COL19A1: variants seen among roughly 807,000 people sequenced by gnomAD.
COL19A1 encodes the protein collagen alpha-1(XIX) chain.
Under a neutral mutation model 190.2 loss-of-function variants are expected in COL19A1, and 159 were observed. The observed-to-expected ratio is 0.84, with a 90% CI of 0.73 to 0.95. COL19A1 has a LOEUF of 0.95. Ranked by LOEUF, COL19A1 falls within the 40% of genes least tolerant of loss-of-function variation. The pLI, the probability that COL19A1 is intolerant of heterozygous loss-of-function variation, is 0.00. For missense variants in COL19A1, 1,418 were observed against 1,431.9 expected (o/e 0.99, Z 0.16); for synonymous variants, 509 against 458.9 (o/e 1.11, Z -1.39).
intron 15 of COL19A1, chr6:70,098,347 T>A (rs1235868781): frequency 1.7e-5 from 8 of 467,424 alleles, no homozygotes; most frequent in Non-Finnish European, 2.1e-5. Context: ...GCTCCTTTTT[T>A]AAAAAACAGA....
At chr6:70,090,255 A>G (rs775623192) in intron 15 of COL19A1, among the ~76,000 whole-genome samples, 7 of 152,190 alleles carry the variant, frequency 4.6e-5, no homozygotes, top group Non-Finnish European at 8.8e-5. Context: ...TGGGTTTTAC[A>G]TCCGTGGATT....
At chr6:70,022,928 A>AT in intron 11 of COL19A1, among the ~76,000 whole-genome samples, 1 of 151,812 alleles carries the variant, frequency 6.6e-6, no homozygotes, top group East Asian at 1.9e-4. Flanking sequence ...TTCATCTCTG[A>AT]TTTTTTCATT....
chr6:70,019,161 G>A (rs1175951038), intron 11 of COL19A1, among the ~76,000 whole-genome samples: 3 of 152,074 alleles, frequency 2.0e-5, no homozygotes, highest in Admixed American at 1.3e-4. Context: ...AAATAACTTA[G>A]GATAATAGAT....
chr6:70,058,029 G>A (rs928027730), intron 14 of COL19A1, among the ~76,000 whole-genome samples: 2 of 152,008 alleles, frequency 1.3e-5, no homozygotes, highest in Non-Finnish European at 2.9e-5. Context: ...GTGCTTATGA[G>A]AAGTACAGAT....
intron 11 of COL19A1, among the ~76,000 whole-genome samples, chr6:69,972,448 A>C (rs1278015703): frequency 1.1e-4 from 17 of 152,236 alleles, no homozygotes; most frequent in Non-Finnish European, 2.2e-4. Context: ...TGCCTAGCAC[A>C]CAAAAGTATT....
At chr6:70,073,320 G>C (rs1781671547) in intron 15 of COL19A1, among the ~76,000 whole-genome samples, 1 of 152,096 alleles carries the variant, frequency 6.6e-6, no homozygotes, top group African/African-American at 2.4e-5. Context: ...CAGCTTTACT[G>C]CTTATGAGCT....
At chr6:69,995,624 TA>T (rs1482202269) in intron 11 of COL19A1, among the ~76,000 whole-genome samples, 1 of 152,166 alleles carries the variant, frequency 6.6e-6, no homozygotes, top group Non-Finnish European at 1.5e-5. Context: ...CTAAATTCTT[TA>T]ATTATACAGA....
At position 70,180,329 on chromosome 6, in the gene COL19A1, A is replaced by C; in HGVS notation, c.2685A>C (p.Pro895=). 1.2e-6 allele frequency: 2 copies of C among 1,614,156 alleles called. No individual in the cohort carries two copies. The highest frequency in any genetic ancestry group is 1.7e-6 in the Non-Finnish European group (2 of 1,180,006). The part of the protein sequence containing the change: ...IAGMSGKPGA[P]GPPGVPGEPG... ...CTTGCCAGGGAAAACCTGGTGCCCC[A>C]GGGCCTCCAGGAGTTCCAGGGGAAC... is the stretch of plus-strand genomic sequence containing the variant. The change falls in exon 43 of 51, where the codon CCA becomes CCC. Residue 895 remains proline, a synonymous_variant. Coordinates refer to ENST00000620364, the MANE Select transcript of COL19A1 (RefSeq NM_001858.6).
chr6:70,118,717 G>C (rs1226355718), intron 16 of COL19A1, among the ~76,000 whole-genome samples: 1 of 152,188 alleles, frequency 6.6e-6, no homozygotes, highest in Admixed American at 6.5e-5. Context: ...TGAAAATGTA[G>C]AAGTAATTTT....
At chr6:70,049,030 A>G (rs1273171545) in intron 14 of COL19A1, among the ~76,000 whole-genome samples, 2 of 151,908 alleles carry the variant, frequency 1.3e-5, no homozygotes, top group East Asian at 3.8e-4. Context: ...ATAAATATTT[A>G]TATGTACATA....
At chr6:69,970,312 A>G (rs1775355211) in intron 11 of COL19A1, among the ~76,000 whole-genome samples, 1 of 152,210 alleles carries the variant, frequency 6.6e-6, no homozygotes, top group African/African-American at 2.4e-5. Flanking sequence ...AGACTGTGTC[A>G]AAACATATTT....
intron 24 of COL19A1, among the ~76,000 whole-genome samples, chr6:70,144,538 T>C (rs146601005): frequency 6.6e-6 from 1 of 152,328 alleles, no homozygotes; most frequent in Non-Finnish European, 1.5e-5. Context: ...AAGAAGTCTC[T>C]TAATCTTGCA....
chr6:70,098,252 T>C (rs1783406694), intron 15 of COL19A1: 1 of 272,942 alleles, frequency 3.7e-6, no homozygotes, highest in African/African-American at 2.2e-5. Flanking sequence ...TATGCCTTTT[T>C]TCTTGGCCTA....
rs575901675 is a variant in COL19A1, at chr6:69,928,300, G to T, written c.390+268G>T. 5.9e-5 allele frequency among the ~76,000 whole-genome samples: 9 copies of T among 152,078 alleles called. No homozygotes were observed. In the South Asian group the frequency reaches 1.9e-3, roughly 32 times the overall value. On this transcript the variant is annotated intron_variant, in intron 5 of 50. Coordinates refer to ENST00000620364, the MANE Select transcript of COL19A1 (RefSeq NM_001858.6). The stretch of plus-strand genomic sequence containing the variant: ...ATATTTTGTTTAAAGATGTAAAACT[G>T]CCTTCTCTTTACAACTGCTTCATTA...
chr6:70,103,332 T>G (rs1783749757), intron 16 of COL19A1, among the ~76,000 whole-genome samples: 1 of 152,202 alleles, frequency 6.6e-6, no homozygotes, highest in Non-Finnish European at 1.5e-5. Flanking sequence ...ATTTTTGAAG[T>G]CATCTGAGAG....
At chr6:70,183,211 G>A (rs1766292723) in intron 44 of COL19A1, among the ~76,000 whole-genome samples, 1 of 152,180 alleles carries the variant, frequency 6.6e-6, no homozygotes, top group Admixed American at 6.5e-5. Flanking sequence ...GAACAAGCGA[G>A]CAAAGATACG....
chr6:69,987,525 G>A (rs1329044266), intron 11 of COL19A1, among the ~76,000 whole-genome samples: 1 of 152,166 alleles, frequency 6.6e-6, no homozygotes, highest in Non-Finnish European at 1.5e-5. Context: ...TCCTTAAAAC[G>A]ATTGCTTGGT....
intron 40 of COL19A1, among the ~76,000 whole-genome samples, chr6:70,171,240 G>A (rs1765484234): frequency 6.6e-6 from 1 of 152,064 alleles, no homozygotes; most frequent in Non-Finnish European, 1.5e-5. Context: ...TGTGGCCCAG[G>A]GAAGCCAAAA....
In COL19A1 at chr6:70,006,744, C is replaced by A. The variant is rs943941910; in HGVS notation, c.1027-16883C>A. On this transcript the variant is annotated intron_variant, in intron 11 of 50. Coordinates refer to ENST00000620364, the MANE Select transcript of COL19A1 (RefSeq NM_001858.6). ...AAAAAATATAATGTTAAAGCAATAA[C>A]TATTACACTACACTGTTACATTTAT... Among the ~76,000 whole-genome samples the A allele has an allele frequency of 8.6e-5, 13 of 151,930 alleles. No individual in the cohort carries two copies. In the South Asian group the frequency reaches 2.7e-3, roughly 32 times the overall value.
Sources: gnomAD v4.1 joint callset for allele counts (sites outside exome capture counted in the v4.1 genomes callset) on GRCh38, gnomAD v4.1.1 for gene constraint, MANE v1.5 for transcripts, NCBI Gene and HGNC (gene_info 2026-07-23, HGNC 2026-07-21) for gene names.